SOST: variants seen among roughly 807,000 people sequenced by gnomAD.
The protein encoded by SOST is sclerosteosis.
Under a neutral mutation model 16.7 loss-of-function variants are expected in SOST, and 14 were observed. The ratio of observed to expected loss-of-function variants is 0.84; its 90% confidence interval spans 0.55 to 1.31. The LOEUF (loss-of-function observed/expected upper bound fraction) is 1.31, where lower values mean the gene tolerates loss of function less well. Ranked by LOEUF, SOST falls within the 50% of genes most tolerant of loss-of-function variation. The pLI, the probability that SOST is intolerant of heterozygous loss-of-function variation, is 0.00. For missense variants in SOST, 291 were observed against 310.7 expected, an observed-to-expected ratio of 0.94 and a Z score of 0.48; for synonymous variants, 150 against 140.9, an observed-to-expected ratio of 1.06 and a Z score of -0.46.
In SOST at chr17:43,755,607, C is replaced by G; in HGVS notation, c.377G>C (p.Arg126Pro). ...GCAGCGGAAGTCGGGCCCACTAGGT[C>G]GCCACCACTTGCCGCGGCCGATGGC... ...PNAIGRGKWW[R>P]PSGPDFRCIP... is the part of the protein sequence containing the mutation. Residue 126 changes from arginine (R) to proline (P), a missense_variant, in exon 2 of 2, where the codon CGA becomes CCA. Physicochemically the swap from Arg to Pro is moderately radical, Grantham distance 103 (BLOSUM62 -2). Coordinates refer to ENST00000301691, the MANE Select transcript of SOST (RefSeq NM_025237.3). The surrounding 1 kb of genome is among the most constrained non-coding windows in gnomAD (Gnocchi z 4.3). The G allele has an allele frequency of 6.3e-7, 1 of 1,588,056 alleles. No homozygotes were observed. The highest frequency in any genetic ancestry group is 8.5e-7 in the Non-Finnish European group (1 of 1,173,716).
rs17883006 is a variant in SOST, at chr17:43,755,292, G to A, written c.*50C>T. 25 of 1,447,090 alleles carry A rather than the reference G, an allele frequency of 1.7e-5. No homozygotes were observed. The highest frequency in any genetic ancestry group is 2.2e-5 in the Non-Finnish European group (24 of 1,099,668). The allele number at this position is 1,447,090 out of a possible 1,614,324, so 89.6% of individuals were successfully genotyped here. On this transcript the variant is annotated 3_prime_UTR_variant, in exon 2 of 2. Transcript: ENST00000301691. The surrounding 1 kb of genome is among the most constrained non-coding windows in gnomAD (Gnocchi z 4.3). ...CGCGCAGAGGACAGAAATGTGGGGC[G>A]CGGGTTCAGGGCCGGGGCGCCCGCC...
chr17:43,756,710 C>A (rs1974134706), intron 1 of SOST, among the ~76,000 whole-genome samples: 1 of 152,252 alleles, frequency 6.6e-6, no homozygotes, highest in Non-Finnish European at 1.5e-5. Flanking sequence ...CAAACATTGA[C>A]CTGGCTCTCT....
intron 1 of SOST, 26 bp downstream of exon 1, chr17:43,758,496 T>C (rs1974155157): frequency 6.3e-7 from 1 of 1,585,682 alleles, no homozygotes; most frequent in Non-Finnish European, 8.6e-7. Flanking sequence ...GATCTTTTAC[T>C]AAGAATTCTC....
In SOST at chr17:43,758,724, G is replaced by A. The variant is rs1974161007; in HGVS notation, c.18C>T (p.Ala6=). 1.2e-6 allele frequency: 2 copies of A among 1,613,438 alleles called. No individual in the cohort carries two copies. Among genetic ancestry groups the A allele is most frequent in the Non-Finnish European group, 1.7e-6 (2 of 1,180,020 alleles). ...GTACCAGCAGGCAGACGAGACACAG[G>A]GCCAGTGGGAGCTGCATGGTACCAG... MQLPL[A]LCLVCLLVHT... Residue 6 remains alanine, a synonymous_variant, in exon 1 of 2, where the codon GCC becomes GCT. Coordinates refer to ENST00000301691, the MANE Select transcript of SOST (RefSeq NM_025237.3).
rs1974115469 is a variant in SOST, at chr17:43,755,354, C to G, written c.630G>C (p.Glu210Asp). 1.3e-6 allele frequency: 2 copies of G among 1,584,292 alleles called. No individual in the cohort carries two copies. Among genetic ancestry groups the G allele is most frequent in the Non-Finnish European group, 1.7e-6 (2 of 1,174,184 alleles). The stretch of plus-strand genomic sequence containing the variant: ...GCGCGGGCGGGCTCTAGTAGGCGTT[C>G]TCCAGCTCGGCCTGGTTGGCTTTGG... ...RSAKANQAEL[E>D]NAY The change falls in exon 2 of 2, where the codon GAG becomes GAC. Residue 210 changes from glutamate (E) to aspartate (D), a missense_variant. By Grantham distance (45) the Glu-to-Asp change is conservative (BLOSUM62 2). Coordinates refer to ENST00000301691, the MANE Select transcript of SOST (RefSeq NM_025237.3). The surrounding 1 kb of genome is among the most constrained non-coding windows in gnomAD (Gnocchi z 4.3).
At chr17:43,757,030 G>A (rs1401620194) in intron 1 of SOST, among the ~76,000 whole-genome samples, 1 of 152,242 alleles carries the variant, frequency 6.6e-6, no homozygotes, top group Non-Finnish European at 1.5e-5. Flanking sequence ...AGCAAGCACA[G>A]CAGGGGAGAT....
rs1974098468 is a variant in SOST at position 43,753,970 on chromosome 17, A to G, written c.*1372T>C. 1 of 152,526 alleles carries G rather than the reference A, an allele frequency of 6.6e-6. No individual in the cohort carries two copies. The highest frequency in any genetic ancestry group is 6.6e-5 in the Admixed American group (1 of 15,260). 9.4% of individuals were successfully genotyped at this position (152,526 alleles called of 1,614,324 possible). On this transcript the variant is annotated 3_prime_UTR_variant, in exon 2 of 2. Transcript: ENST00000301691. ...AACGACCAGTCCTGCAGGCTTTCAT[A>G]TGTCATGTGCTTCTGTTTAAAACTT... is the stretch of plus-strand genomic sequence containing the variant.
In SOST at chr17:43,754,813, C is replaced by A. The variant is rs1246225373; in HGVS notation, c.*529G>T. 1 of 152,498 alleles carries A rather than the reference C, an allele frequency of 6.6e-6. No individual in the cohort carries two copies. Among genetic ancestry groups the A allele is most frequent in the African/African-American group, 2.4e-5 (1 of 41,434 alleles). The allele number at this position is 152,498 out of a possible 1,614,324, so 9.4% of individuals were successfully genotyped here. A position where few individuals can be genotyped will look rare whatever the true frequency, so the allele number is the denominator to read the frequency against. On this transcript the variant is annotated 3_prime_UTR_variant, in exon 2 of 2. Transcript: ENST00000301691. ...ATTTTACAAAGTGGAAATTGAGGTC[C>A]CGAAGGAGAATTGTGTAGTTCAAGG...
intron 1 of SOST, among the ~76,000 whole-genome samples, chr17:43,756,212 C>G (rs1022477890): frequency 1.3e-5 from 2 of 152,200 alleles, no homozygotes; most frequent in African/African-American, 4.8e-5. Flanking sequence ...ACTTGTGCCG[C>G]AGGGTCCCTG....
At chr17:43,756,974 A>G (rs1974136992) in intron 1 of SOST, among the ~76,000 whole-genome samples, 1 of 152,126 alleles carries the variant, frequency 6.6e-6, no homozygotes, top group Non-Finnish European at 1.5e-5. Context: ...TTAAGACCAA[A>G]CCAGAGAGGG....
In SOST at chr17:43,755,521, G is replaced by A. The variant is rs1443836437; in HGVS notation, c.463C>T (p.Arg155Cys). Reference protein sequence around the residue: ...QLLCPGGEAPRARKVRLVASC... With the variant: ...QLLCPGGEAPCARKVRLVASC... The stretch of plus-strand genomic sequence containing the variant: ...GCCACCAGGCGCACCTTGCGCGCGC[G>A]CGGCGCCTCACCACCGGGACACAGC... The change falls in exon 2 of 2, where the codon CGC (arginine) becomes TGC (cysteine). Residue 155 changes from arginine to cysteine, a missense_variant. Physicochemically the swap from Arg to Cys is radical, Grantham distance 180. Transcript: ENST00000301691. The surrounding 1 kb of genome is among the most constrained non-coding windows in gnomAD (Gnocchi z 4.3). The A allele has an allele frequency of 6.3e-7, 1 of 1,596,344 alleles. No individual in the cohort carries two copies. The highest frequency in any genetic ancestry group is 8.5e-7 in the Non-Finnish European group (1 of 1,177,892).
chr17:43,755,576 G>T lies in SOST; in HGVS notation c.408C>A (p.Pro136=). The change falls in exon 2 of 2, where the codon CCC becomes CCA. Residue 136 remains proline, a synonymous_variant. Coordinates refer to ENST00000301691, the MANE Select transcript of SOST (RefSeq NM_025237.3). The surrounding 1 kb of genome is among the most constrained non-coding windows in gnomAD (Gnocchi z 4.3). Reference sequence around the variant, plus strand: ...GCACGCGCTGCGCGCGGTAGCGGTCGGGGATGCAGCGGAAGTCGGGCCCAC... The same window carrying T: ...GCACGCGCTGCGCGCGGTAGCGGTCTGGGATGCAGCGGAAGTCGGGCCCAC... ...RPSGPDFRCI[P]DRYRAQRVQL... is the part of the protein sequence containing the mutation. The T allele has an allele frequency of 6.3e-7, 1 of 1,593,860 alleles. No individual in the cohort carries two copies.
rs1165400534 is a variant in SOST at position 43,754,740 on chromosome 17, A to T, written c.*602T>A. 6.6e-6 allele frequency: 1 copy of T among 152,032 alleles called. No individual in the cohort carries two copies. The highest frequency in any genetic ancestry group is 2.4e-5 in the African/African-American group (1 of 41,380). The allele number at this position is 152,032 out of a possible 1,614,324, so 9.4% of individuals were successfully genotyped here. Reference sequence around the variant, plus strand: ...TTCAAAAGGCACTGGAGTCCTTGGAATCATATGCCAATAGTCTCCTCGAGA... The same window carrying T: ...TTCAAAAGGCACTGGAGTCCTTGGATTCATATGCCAATAGTCTCCTCGAGA... On this transcript the variant is annotated 3_prime_UTR_variant, in exon 2 of 2. Transcript: ENST00000301691.
chr17:43,758,118 G>A (rs2154590461), intron 1 of SOST, among the ~76,000 whole-genome samples: 1 of 152,246 alleles, frequency 6.6e-6, no homozygotes, highest in South Asian at 2.1e-4. Context: ...TGCCCCACAG[G>A]TGCTGTTCTG....
At position 43,758,491 on chromosome 17, in the gene SOST, TTTACTAAGAATTC is replaced by T; in HGVS notation, c.220+18_220+30del. 1 of 1,569,978 alleles carries T rather than the reference TTTACTAAGAATTC, an allele frequency of 6.4e-7. No homozygotes were observed. Among genetic ancestry groups the T allele is most frequent in the Non-Finnish European group, 8.7e-7 (1 of 1,144,578 alleles). On this transcript the variant is annotated intron_variant, in intron 1 of 1. Transcript: ENST00000301691. ...AGTTTCTAAAACCTCCCCAGGATCT[TTTACTAAGAATTC>T]TCTCCTCCACCCCATACCTTTGGTC...
At chr17:43,756,082 A>G (rs1974128060) in intron 1 of SOST, among the ~76,000 whole-genome samples, 1 of 152,234 alleles carries the variant, frequency 6.6e-6, no homozygotes, top group Non-Finnish European at 1.5e-5. Flanking sequence ...AAGCATTGCG[A>G]GTTAATCCAT....
rs1974124965 is a variant in SOST, at chr17:43,755,803, GCCA to G, written c.221-43_221-41del. 6.5e-7 allele frequency: 1 copy of G among 1,545,334 alleles called. No individual in the cohort carries two copies. The highest frequency in any genetic ancestry group is 1.4e-5 in the African/African-American group (1 of 73,446). ...GCGCGTGAGGGTGGCCGCCCGCCTG[GCCA>G]CCCCTGCCCTGGACCGGCCCGTCTC... is the stretch of plus-strand genomic sequence containing the variant. On this transcript the variant is annotated intron_variant, in intron 1 of 1. Transcript: ENST00000301691. This position sits in a 1 kb window ranked among gnomAD's most constrained non-coding sequence, Gnocchi z 4.3.
In SOST at chr17:43,755,447, G is replaced by C. The variant is rs1974116929; in HGVS notation, c.537C>G (p.Leu179=). ...GAGCGGCCTCGGTCCCGAAGTCCTT[G>C]AGCTCCGACTGGTTGTGGAAGCGGG... is the stretch of plus-strand genomic sequence containing the variant. ...RLTRFHNQSE[L]KDFGTEAARP... is the part of the protein sequence containing the mutation. Residue 179 remains leucine (L), a synonymous_variant, in exon 2 of 2, where the codon CTC becomes CTG. Coordinates refer to ENST00000301691, the MANE Select transcript of SOST (RefSeq NM_025237.3). This position sits in a 1 kb window ranked among gnomAD's most constrained non-coding sequence, Gnocchi z 4.3. The C allele has an allele frequency of 6.3e-7, 1 of 1,596,492 alleles. No individual in the cohort carries two copies. Among genetic ancestry groups the C allele is most frequent in the African/African-American group, 1.3e-5 (1 of 74,234 alleles).
At position 43,755,609 on chromosome 17, in the gene SOST, C is replaced by T; in HGVS notation, c.375G>A (p.Trp125Ter). ...AGCGGAAGTCGGGCCCACTAGGTCG[C>T]CACCACTTGCCGCGGCCGATGGCGT... The part of the protein sequence containing the change: ...LPNAIGRGKW[W>*]RPSGPDFRCI... The change falls in exon 2 of 2, where the codon TGG (tryptophan) becomes TGA (stop). Residue 125 changes from tryptophan (W) to a stop codon, truncating the protein, a stop_gained. Coordinates refer to ENST00000301691, the MANE Select transcript of SOST (RefSeq NM_025237.3). LOFTEE classifies it high-confidence loss of function. This position sits in a 1 kb window ranked among gnomAD's most constrained non-coding sequence, Gnocchi z 4.3. 5 of 1,587,032 alleles carry T rather than the reference C, an allele frequency of 3.2e-6. No homozygotes were observed. Among genetic ancestry groups the T allele is most frequent in the Non-Finnish European group, 2.6e-6 (3 of 1,173,262 alleles).
Sources: gnomAD v4.1 joint callset for allele counts (sites outside exome capture counted in the v4.1 genomes callset) on GRCh38, gnomAD v4.1.1 for gene constraint, Gnocchi (gnomAD v3.1) non-coding constraint, MANE v1.5 for transcripts, NCBI Gene and HGNC (gene_info 2026-07-23, HGNC 2026-07-21) for gene names.